OSBPL7: variants seen among roughly 807,000 people sequenced by gnomAD.
The protein encoded by OSBPL7 is oxysterol-binding protein-related protein 7.
OSBPL7 carries 66 observed loss-of-function variants against 115.8 expected under a neutral mutation model. The ratio of observed to expected loss-of-function variants is 0.57; its 90% CI spans 0.47 to 0.70. OSBPL7 has a LOEUF of 0.70. Ranked by LOEUF, OSBPL7 falls within the 30% of genes least tolerant of loss-of-function variation. The pLI, the probability that OSBPL7 is intolerant of heterozygous loss-of-function variation, is 0.00. For missense variants in OSBPL7, 902 were observed against 1,125.5 expected (o/e 0.80, Z 2.84); for synonymous variants, 441 against 439.2 (o/e 1.00, Z -0.05).
intron 4 of OSBPL7, 127 bp downstream of exon 4, chr17:47,819,601 CA>C (rs2033333710): frequency 9.0e-7 from 1 of 1,116,730 alleles, no homozygotes; most frequent in Admixed American, 1.8e-5. Flanking sequence ...TGCCCGAGAT[CA>C]CACATTCAGC....
At position 47,820,370 on chromosome 17, in the gene OSBPL7, A is replaced by G; in HGVS notation, c.-87-5T>C. 1 of 1,235,998 alleles carries G rather than the reference A, an allele frequency of 8.1e-7. No homozygotes were observed. The highest frequency in any genetic ancestry group is 1.5e-5 in the South Asian group (1 of 68,604). The allele number at this position is 1,235,998 out of a possible 1,614,324, so 76.6% of individuals were successfully genotyped here. ...TCACCTGCTCCTGACGGGGTCCTTG[A>G]AGCAAGAGAAAGACCCCCTTAACGC... On this transcript the variant is annotated splice_polypyrimidine_tract_variant and splice_region_variant and intron_variant, in intron 1 of 22. Coordinates refer to ENST00000007414, the MANE Select transcript of OSBPL7 (RefSeq NM_145798.3).
chr17:47,821,554 G>C (rs533903394), intron 1 of OSBPL7, 112 bp downstream of exon 1: 1 of 152,440 alleles, frequency 6.6e-6, no homozygotes, highest in Admixed American at 6.5e-5. Context: ...AAGGGTCTAG[G>C]TGAGCCAGGT....
In OSBPL7 at chr17:47,808,028, G is replaced by A. The variant is rs946796135; in HGVS notation, c.*263C>T. ...CCCAAAGGGGACAGGAATCGGAATG[G>A]TGAAGCGGGAAGGGTCTTACATGCT... On this transcript the variant is annotated 3_prime_UTR_variant, in exon 23 of 23. Transcript: ENST00000007414. This position sits in a 1 kb window ranked among gnomAD's most constrained non-coding sequence, Gnocchi z 6.1. The A allele has an allele frequency of 5.8e-6, 3 of 519,952 alleles. No individual in the cohort carries two copies. Among genetic ancestry groups the A allele is most frequent in the African/African-American group, 5.7e-5 (3 of 52,468 alleles). 32.2% of individuals were successfully genotyped at this position (519,952 alleles called of 1,614,324 possible).
In OSBPL7 at chr17:47,808,386, T is replaced by C. The variant is rs1346647655; in HGVS notation, c.2434A>G (p.Ser812Gly). 1 of 1,614,024 alleles carries C rather than the reference T, an allele frequency of 6.2e-7. No homozygotes were observed. Among genetic ancestry groups the C allele is most frequent in the South Asian group, 1.1e-5 (1 of 91,090 alleles). ...QARFFRRQTD[S>G]SGKEWWVTNN... ...GTCACCCACCACTCTTTCCCGCTGC[T>C]ATCCGTCTGCCGCCTGGTGGGAGAA... Residue 812 changes from serine to glycine, a missense_variant, in exon 23 of 23, where the codon AGC becomes GGC. Physicochemically the swap from Ser to Gly is moderately conservative, Grantham distance 56. Coordinates refer to ENST00000007414, the MANE Select transcript of OSBPL7 (RefSeq NM_145798.3). The surrounding 1 kb of genome is among the most constrained non-coding windows in gnomAD (Gnocchi z 6.1).
chr17:47,821,512 G>T (rs1708265142), intron 1 of OSBPL7, among the ~76,000 whole-genome samples, 154 bp downstream of exon 1: 3 of 152,170 alleles, frequency 2.0e-5, no homozygotes, highest in Admixed American at 2.0e-4. Flanking sequence ...CTGCTTGTGG[G>T]TAGAGGGGGA....
intron 18 of OSBPL7, among the ~76,000 whole-genome samples, chr17:47,810,139 C>T (rs1480588728): frequency 1.3e-5 from 2 of 152,152 alleles, no homozygotes; most frequent in Non-Finnish European, 2.9e-5. Flanking sequence ...TCTACCACAA[C>T]ACCCAGACCA....
intron 5 of OSBPL7, 46 bp from the exon 6 acceptor site, chr17:47,818,662 C>T: frequency 6.6e-7 from 1 of 1,518,694 alleles, no homozygotes; most frequent in Non-Finnish European, 9.0e-7. Context: ...AGAGAGGGAC[C>T]ACTTTCCAAG....
chr17:47,814,821 GGCCCTGT>G, intron 13 of OSBPL7: 1 of 592,944 alleles, frequency 1.7e-6, no homozygotes, highest in Non-Finnish European at 3.0e-6. Context: ...GGGAGGGCCG[GGCCCTGT>G]GGCTGGCGGG....
rs1373296536 is a variant in OSBPL7, at chr17:47,813,835, C to G, written c.1352-1G>C. 1.4e-5 allele frequency: 23 copies of G among 1,604,914 alleles called. No individual in the cohort carries two copies. The highest frequency in any genetic ancestry group is 1.9e-5 in the Non-Finnish European group (22 of 1,177,534). ...ATGGGTCTCCCTGGAACACACCCCC[C>G]TGGGGCCGCCCTGCCATGTCACTCT... On this transcript the variant is annotated splice_acceptor_variant, in intron 14 of 22. Transcript: ENST00000007414. LOFTEE classifies it high-confidence loss of function.
intron 3 of OSBPL7, 72 bp downstream of exon 3, chr17:47,819,899 C>A: frequency 6.2e-7 from 1 of 1,604,802 alleles, no homozygotes. Context: ...CACCATTGGA[C>A]TGCCCAGCAG....
chr17:47,815,521 G>A, intron 12 of OSBPL7, 169 bp from the exon 13 acceptor site: 1 of 813,090 alleles, frequency 1.2e-6, no homozygotes, highest in Non-Finnish European at 1.9e-6. Flanking sequence ...GCGGGACAAA[G>A]GCATAGTAAA....
Position 47,813,686 on chromosome 17 carries a change from G to C in OSBPL7, c.1500C>G (p.Leu500=). The C allele has an allele frequency of 6.2e-7, 1 of 1,613,388 alleles. No individual in the cohort carries two copies. The highest frequency in any genetic ancestry group is 8.5e-7 in the Non-Finnish European group (1 of 1,180,024). The stretch of plus-strand genomic sequence containing the variant: ...GCTGCAGAGTGTTGAGCGGCTCGTT[G>C]AGCTGCACAGGCATTGACACCTTGG... ...DLSKVSMPVQ[L]NEPLNTLQRL... Residue 500 remains leucine (L), a synonymous_variant, in exon 15 of 23, where the codon CTC becomes CTG. Coordinates refer to ENST00000007414, the MANE Select transcript of OSBPL7 (RefSeq NM_145798.3).
Position 47,815,317 on chromosome 17 carries a change from G to A in OSBPL7, c.1155C>T (p.Thr385=), listed in dbSNP as rs939491868. The A allele has an allele frequency of 1.9e-6, 3 of 1,613,952 alleles. No homozygotes were observed. The highest frequency in any genetic ancestry group is 2.5e-6 in the Non-Finnish European group (3 of 1,179,974). Residue 385 remains threonine, a synonymous_variant, in exon 13 of 23, where the codon ACC becomes ACT. Coordinates refer to ENST00000007414, the MANE Select transcript of OSBPL7 (RefSeq NM_145798.3). ...EALYMKGREL[T]PQLSQTSILS... ...GGATGCTGGTCTGCGATAGCTGGGG[G>A]GTGAGCTCGCGCCCCTTCATGTACA...
chr17:47,808,574 T>C lies in OSBPL7; in HGVS notation c.2384A>G (p.Glu795Gly). The change falls in exon 22 of 23, where the codon GAG (glutamate) becomes GGG (glycine). Residue 795 changes from glutamate to glycine, a missense_variant. This residue lies in a region of OSBPL7 where 230 missense variants were observed against 312.7 expected (regional missense o/e 0.74). Transcript: ENST00000007414. The surrounding 1 kb of genome is among the most constrained non-coding windows in gnomAD (Gnocchi z 6.1). ...AGCCTGGTGTACGATGTTGTTTTCC[T>C]CCATGACTTTGCGCCTGTCTCGCTG... ...QLQRDRRKVM[E>G]ENNIVHQARF... is the part of the protein sequence containing the mutation. 1 of 1,614,218 alleles carries C rather than the reference T, an allele frequency of 6.2e-7. No homozygotes were observed. The highest frequency in any genetic ancestry group is 8.5e-7 in the Non-Finnish European group (1 of 1,180,030).
In OSBPL7 at chr17:47,809,221, CTGGGG is replaced by C. The variant is rs919314262; in HGVS notation, c.2026-6_2026-2del. On this transcript the variant is annotated splice_acceptor_variant and splice_polypyrimidine_tract_variant and intron_variant, in intron 19 of 22. Coordinates refer to ENST00000007414, the MANE Select transcript of OSBPL7 (RefSeq NM_145798.3). LOFTEE classifies it high-confidence loss of function. ...GGACATTGGAACTCCAGTACTTGGC[CTGGGG>C]TGGGGAAGGCAGGGTTTAGGGAGGT... is the stretch of plus-strand genomic sequence containing the variant. 1.2e-6 allele frequency: 2 copies of C among 1,613,966 alleles called. No homozygotes were observed. The highest frequency in any genetic ancestry group is 2.7e-5 in the African/African-American group (2 of 74,942).
chr17:47,818,977 G>A lies in OSBPL7; in HGVS notation c.369+9C>T. ...GGCCAACACACGTCCTGCCTCCCAGGGATGTCACCTTGAGGTGGTAGATGT... is the reference window on the plus strand; with the variant it reads ...GGCCAACACACGTCCTGCCTCCCAGAGATGTCACCTTGAGGTGGTAGATGT... On this transcript the variant is annotated intron_variant, in intron 5 of 22. Transcript: ENST00000007414. The A allele has an allele frequency of 1.2e-6, 2 of 1,611,504 alleles. No homozygotes were observed. Among genetic ancestry groups the A allele is most frequent in the Non-Finnish European group, 1.7e-6 (2 of 1,177,638 alleles).
chr17:47,809,134 C>T lies in OSBPL7; in HGVS notation c.2112G>A (p.Lys704=), dbSNP rs1219895245. 1 of 1,614,080 alleles carries T rather than the reference C, an allele frequency of 6.2e-7. No individual in the cohort carries two copies. Among genetic ancestry groups the T allele is most frequent in the African/African-American group, 1.3e-5 (1 of 74,928 alleles). Residue 704 remains lysine (K), a synonymous_variant, in exon 20 of 23, where the codon AAG becomes AAA. Coordinates refer to ENST00000007414, the MANE Select transcript of OSBPL7 (RefSeq NM_145798.3). ...GTCCCCGGTACAGCCCCTCGTGCCA[C>T]TTCCCAAAGAGTCGGTGGAGGACAC... ...SGRVLHRLFG[K]WHEGLYRGPT...
At chr17:47,813,036 C>A (rs989732951) in intron 16 of OSBPL7, among the ~76,000 whole-genome samples, 2 of 152,234 alleles carry the variant, frequency 1.3e-5, no homozygotes, top group African/African-American at 4.8e-5. Flanking sequence ...TCCTTCAGTT[C>A]ATCCTAGCCC....
rs773244476 is a variant in OSBPL7 at position 47,818,578 on chromosome 17, C to T, written c.408G>A (p.Gln136=). The T allele has an allele frequency of 6.2e-7, 1 of 1,612,974 alleles. No individual in the cohort carries two copies. Among genetic ancestry groups the T allele is most frequent in the Non-Finnish European group, 8.5e-7 (1 of 1,179,656 alleles). ...SQDLFQSWVA[Q]LRAHRLAHRL... ...GGTGGGCTAGGCGGTGGGCACGCAG[C>T]TGCGCCACCCAGCTCTGGAATAGGT... The change falls in exon 6 of 23, where the codon CAG becomes CAA. Residue 136 remains glutamine (Q), a synonymous_variant. Transcript: ENST00000007414.
Sources: allele counts gnomAD v4.1 joint callset (sites outside exome capture counted in the v4.1 genomes callset), GRCh38; gene constraint gnomAD v4.1.1; regional missense constraint gnomAD v4.1.1; non-coding constraint Gnocchi (gnomAD v3.1); transcripts MANE v1.5; gene names NCBI Gene and HGNC (gene_info 2026-07-23, HGNC 2026-07-21).